Variants in PLAC8 observed in about 807,000 individuals in gnomAD.
PLAC8 encodes the protein placenta-specific gene 8 protein.
A neutral mutation model predicts 12.6 loss-of-function variants in PLAC8; 6 were observed. The ratio of observed to expected loss-of-function variants is 0.48; its 90% CI spans 0.26 to 0.94. The LOEUF (loss-of-function observed/expected upper bound fraction) is 0.94, where lower values mean the gene tolerates loss of function less well. PLAC8 is among the 40% of genes least tolerant of loss of function. The probability of loss-of-function intolerance (pLI) is 0.14; values close to 1 mark genes in which losing one functional copy is unlikely to be tolerated. For synonymous variants in PLAC8, 54 were observed against 52.6 expected (o/e 1.03, Z -0.11); for missense variants, 122 against 152.7 (o/e 0.80, Z 1.06).
rs35868133 is a variant in PLAC8, at chr4:83,090,527, CAAAAAAAAA to C, written c.*445_*453del. 1 of 58,084 alleles carries C rather than the reference CAAAAAAAAA, an allele frequency of 1.7e-5. No homozygotes were observed. Among genetic ancestry groups the C allele is most frequent in the Admixed American group, 2.8e-4 (1 of 3,528 alleles). The allele number at this position is 58,084 out of a possible 1,614,324, so 3.6% of individuals were successfully genotyped here. On this transcript the variant is annotated 3_prime_UTR_variant, in exon 5 of 5. Transcript: ENST00000311507. ...TGGGCAACAGAGCGAGACTCTATCT[CAAAAAAAAA>C]AAAAAAAAAAGAAAGAAAGATCCCC...
At chr4:83,092,662 TTTATTTTTCG>T (rs1397817352) in intron 4 of PLAC8, among the ~76,000 whole-genome samples, 1 of 152,144 alleles carries the variant, frequency 6.6e-6, no homozygotes. Flanking sequence ...TTTAAAATCT[TTTATTTTTCG>T]TTATTTTTCT....
intron 3 of PLAC8, among the ~76,000 whole-genome samples, chr4:83,097,494 A>G (rs1329139912): frequency 6.6e-6 from 1 of 152,190 alleles, no homozygotes; most frequent in African/African-American, 2.4e-5. Flanking sequence ...TTTAAGGTCA[A>G]GCTGTTTCTT....
At chr4:83,112,139 A>G (rs1732435176) in intron 1 of PLAC8, among the ~76,000 whole-genome samples, 1 of 149,494 alleles carries the variant, frequency 6.7e-6, no homozygotes, top group African/African-American at 2.5e-5. Flanking sequence ...GTGCCATTGC[A>G]TTCCAGCCTG....
At chr4:83,097,231 G>T (rs1201624824) in intron 3 of PLAC8, among the ~76,000 whole-genome samples, 4 of 150,548 alleles carry the variant, frequency 2.7e-5, no homozygotes, top group Non-Finnish European at 4.4e-5. Flanking sequence ...TACATGTGGG[G>T]TGTGTGTGTG....
rs1732298196 is a variant in PLAC8, at chr4:83,107,865, C to T, written c.57G>A (p.Pro19=). The T allele has an allele frequency of 1.9e-6, 3 of 1,603,430 alleles. No individual in the cohort carries two copies. In the Admixed American group the frequency reaches 5.1e-5, roughly 27 times the overall value. ...VVTQPGVGPG[P]APQNSNWQTG... is the part of the protein sequence containing the mutation. The stretch of plus-strand genomic sequence containing the variant: ...TCTGCCAGTTGGAGTTCTGGGGGGC[C>T]GGACCGGGACCGACTCCAGGTTGGG... The change falls in exon 2 of 5, where the codon CCG becomes CCA. Residue 19 remains proline, a synonymous_variant. Coordinates refer to ENST00000311507, the MANE Select transcript of PLAC8 (RefSeq NM_016619.3).
At chr4:83,111,642 A>AT (rs994426928) in intron 1 of PLAC8, among the ~76,000 whole-genome samples, 1 of 152,216 alleles carries the variant, frequency 6.6e-6, no homozygotes, top group African/African-American at 2.4e-5. Flanking sequence ...AAACATGTTC[A>AT]TTTAACACCC....
chr4:83,095,608 G>A (rs1461877776), intron 3 of PLAC8, among the ~76,000 whole-genome samples: 1 of 152,160 alleles, frequency 6.6e-6, no homozygotes, highest in Non-Finnish European at 1.5e-5. Flanking sequence ...TGTGTGTAGT[G>A]CGGGAGGAGG....
rs1330334777 is a variant in PLAC8 at position 83,103,004 on chromosome 4, T to G, written c.243+1892A>C. ...AGGAGGCCGAGGCAGGAGAATGGCG[T>G]GAATCTGGGAGGCGGAGCTTGCAGT... On this transcript the variant is annotated intron_variant, in intron 3 of 4. Coordinates refer to ENST00000311507, the MANE Select transcript of PLAC8 (RefSeq NM_016619.3). Among the ~76,000 whole-genome samples, 3 of 148,066 alleles carry G rather than the reference T, an allele frequency of 2.0e-5. No homozygotes were observed. In the East Asian group the frequency reaches 6.0e-4, roughly 29 times the overall value.
chr4:83,093,352 A>T (rs1056091774), intron 4 of PLAC8: 1 of 152,130 alleles, frequency 6.6e-6, no homozygotes, highest in African/African-American at 2.4e-5. Flanking sequence ...TCTTGAGAGG[A>T]TACTGTTTCT....
chr4:83,098,006 G>A (rs1409834765), intron 3 of PLAC8, among the ~76,000 whole-genome samples: 3 of 151,842 alleles, frequency 2.0e-5, no homozygotes, highest in Admixed American at 6.6e-5. Context: ...CTGCAGGTGC[G>A]CGCCATCATG....
intron 3 of PLAC8, among the ~76,000 whole-genome samples, chr4:83,096,705 G>A (rs910090853): frequency 1.3e-5 from 2 of 152,108 alleles, no homozygotes; most frequent in African/African-American, 2.4e-5. Context: ...TCAGGAGTTC[G>A]TTTGTTTTTT....
chr4:83,104,763 G>A (rs1732194593), intron 3 of PLAC8, 133 bp downstream of exon 3: 1 of 956,838 alleles, frequency 1.0e-6, no homozygotes, highest in African/African-American at 1.6e-5. Context: ...ACAACTGAAT[G>A]CAAGATTGCA....
At chr4:83,107,211 AAAAAAAAAAAAC>A (rs1217361312) in intron 2 of PLAC8, among the ~76,000 whole-genome samples, 25 of 95,074 alleles carry the variant, frequency 2.6e-4, no homozygotes, top group African/African-American at 1.4e-3. Flanking sequence ...AAAAACAAAC[AAAAAAAAAAAAC>A]AAAAAAAAAA....
Position 83,108,555 on chromosome 4 carries a change from C to T in PLAC8, c.-29-605G>A, listed in dbSNP as rs556367926. 5.9e-5 allele frequency among the ~76,000 whole-genome samples: 9 copies of T among 152,304 alleles called. No homozygotes were observed. The South Asian group carries it at 1.9e-3, about 32-fold the overall frequency. On this transcript the variant is annotated intron_variant, in intron 1 of 4. Transcript: ENST00000311507. ...GTTGCATTAAGCCGAGGTCATACTT[C>T]TGCACCCCAGCCTGGGCGACAGAGT...
chr4:83,097,859 G>T (rs1731981070), intron 3 of PLAC8, among the ~76,000 whole-genome samples: 1 of 122,180 alleles, frequency 8.2e-6, no homozygotes. Context: ...TAGTTTTGAG[G>T]GTTTTTTTTT....
At chr4:83,107,716 A>G (rs1209902803) in intron 2 of PLAC8, 88 bp downstream of exon 2, 10 of 457,910 alleles carry the variant, frequency 2.2e-5, no homozygotes, top group Admixed American at 7.8e-5. Flanking sequence ...AACTTTTTCT[A>G]CACAATAAGG....
chr4:83,113,133 A>G (rs1374292101), intron 1 of PLAC8, among the ~76,000 whole-genome samples: 3 of 152,246 alleles, frequency 2.0e-5, no homozygotes, highest in Non-Finnish European at 4.4e-5. Flanking sequence ...TAGGGTCTAA[A>G]AGTCTGTAAC....
chr4:83,106,226 C>T (rs546931956), intron 2 of PLAC8, among the ~76,000 whole-genome samples: 10 of 151,882 alleles, frequency 6.6e-5, no homozygotes, highest in Non-Finnish European at 1.0e-4. Context: ...GTCTTGAACT[C>T]CTGACCTTGT....
chr4:83,094,412 G>T, intron 4 of PLAC8: 1 of 284,232 alleles, frequency 3.5e-6, no homozygotes, highest in South Asian at 5.3e-5. Flanking sequence ...TTTACAAGTG[G>T]TAAGTGCTTC....
Sources: allele counts gnomAD v4.1 joint callset (sites outside exome capture counted in the v4.1 genomes callset), GRCh38; gene constraint gnomAD v4.1.1; transcripts MANE v1.5; gene names NCBI Gene and HGNC (gene_info 2026-07-23, HGNC 2026-07-21).